Variants in C10orf90 observed in about 807,000 individuals in gnomAD.
The protein encoded by C10orf90 is chromosome 10 open reading frame 90.
C10orf90 carries 56 observed loss-of-function variants against 62.5 expected under a neutral mutation model. The observed-to-expected ratio is 0.90, with a 90% confidence interval of 0.72 to 1.12. The LOEUF (loss-of-function observed/expected upper bound fraction) is 1.12, where lower values mean the gene tolerates loss of function less well. C10orf90 is among the 50% of genes most tolerant of loss of function. The probability of loss-of-function intolerance (pLI) is 0.00; values close to 1 mark genes in which losing one functional copy is unlikely to be tolerated. For missense variants in C10orf90, 970 were observed against 880.4 expected (o/e 1.10, Z -1.29); for synonymous variants, 386 against 340.4 (o/e 1.13, Z -1.47).
chr10:126,547,532 T>C (rs1591087316), intron 2 of C10orf90, among the ~76,000 whole-genome samples: 2 of 138,176 alleles, frequency 1.4e-5, no homozygotes, highest in African/African-American at 5.5e-5. Context: ...ATGCCGACAC[T>C]GAGAGGACAA....
intron 2 of C10orf90, among the ~76,000 whole-genome samples, chr10:126,563,687 A>G (rs569250205): frequency 1.3e-5 from 2 of 152,204 alleles, no homozygotes; most frequent in Non-Finnish European, 2.9e-5. Context: ...AGCACTAAAC[A>G]TAGGAACACA....
At chr10:126,586,785 A>G (rs1357082261) in intron 2 of C10orf90, among the ~76,000 whole-genome samples, 1 of 152,046 alleles carries the variant, frequency 6.6e-6, no homozygotes, top group East Asian at 1.9e-4. Context: ...AGGCTCTTCA[A>G]CCTCAAAATA....
chr10:126,558,736 G>A (rs956347750), intron 2 of C10orf90, among the ~76,000 whole-genome samples: 1 of 152,218 alleles, frequency 6.6e-6, no homozygotes, highest in African/African-American at 2.4e-5. Context: ...TGCCATGGAT[G>A]AAGAATCCAA....
At position 126,605,928 on chromosome 10, in the gene C10orf90, T is replaced by C. The variant is rs540158761; in HGVS notation, c.313+40637A>G. ...ACATACATACATTTGATTGCAGCAC[T>C]AAAAAAAGAAAAGACTGTCTGAAAT... On this transcript the variant is annotated intron_variant, in intron 2 of 9. Coordinates refer to ENST00000488181, the MANE Select transcript of C10orf90 (RefSeq NM_001350921.2). Among the ~76,000 whole-genome samples the C allele has an allele frequency of 1.5e-3, 220 of 150,718 alleles. 2 individuals carry two copies. The highest frequency in any genetic ancestry group is 3.4e-3 in the Middle Eastern group (1 of 290).
chr10:126,537,242 T>G (rs551369937), intron 2 of C10orf90, among the ~76,000 whole-genome samples: 1 of 152,358 alleles, frequency 6.6e-6, no homozygotes, highest in African/African-American at 2.4e-5. Context: ...TTTATGTGAC[T>G]GATGACACAT....
At chr10:126,485,607 C>T (rs555673238) in intron 4 of C10orf90, among the ~76,000 whole-genome samples, 5 of 152,094 alleles carry the variant, frequency 3.3e-5, no homozygotes, top group Non-Finnish European at 7.4e-5. Flanking sequence ...ATTTGGTAGA[C>T]TAGATATCAC....
chr10:126,557,247 T>C (rs1369687170), intron 2 of C10orf90, among the ~76,000 whole-genome samples: 2 of 151,984 alleles, frequency 1.3e-5, no homozygotes, highest in Non-Finnish European at 2.9e-5. Flanking sequence ...TTTGGGAGGC[T>C]GAGGCGGGCA....
At chr10:126,433,670 C>G (rs1443191869) in intron 7 of C10orf90, among the ~76,000 whole-genome samples, 2 of 152,134 alleles carry the variant, frequency 1.3e-5, no homozygotes, top group African/African-American at 2.4e-5. Context: ...ACAGGGATTT[C>G]ACTTCATGGA....
Position 126,504,729 on chromosome 10 carries a change from C to T in C10orf90, c.762G>A (p.Gly254=). 6.2e-7 allele frequency: 1 copy of T among 1,603,024 alleles called. No homozygotes were observed. Among genetic ancestry groups the T allele is most frequent in the African/African-American group, 1.3e-5 (1 of 74,696 alleles). Residue 254 remains glycine (G), a synonymous_variant, in exon 4 of 10, where the codon GGG becomes GGA. Transcript: ENST00000488181. This position sits in a 1 kb window ranked among gnomAD's most constrained non-coding sequence, Gnocchi z 4.1. ...TGGGGCACAGAGAGTCCCCAGCAGT[C>T]CCCCACACCAGGGCGCGGGCTGGGG... ...VGPPARALVW[G]TAGDSLCPKC...
intron 2 of C10orf90, among the ~76,000 whole-genome samples, chr10:126,528,512 C>T (rs1836944): frequency 0.069 from 10,445 of 152,096 alleles, 1,182 homozygotes; most frequent in African/African-American, 0.23. Context: ...AGCGTGGTGG[C>T]GAAACTCATT....
chr10:126,590,713 A>G (rs1286705857), intron 2 of C10orf90, among the ~76,000 whole-genome samples: 1 of 152,168 alleles, frequency 6.6e-6, no homozygotes, highest in East Asian at 1.9e-4. Context: ...ATAGCACTAA[A>G]TGGTCACACC....
At chr10:126,490,078 A>C (rs1200659400) in intron 4 of C10orf90, among the ~76,000 whole-genome samples, 1 of 122,904 alleles carries the variant, frequency 8.1e-6, no homozygotes, top group Admixed American at 9.8e-5. Flanking sequence ...AATATATAAT[A>C]TAATAATAAT....
intron 4 of C10orf90, among the ~76,000 whole-genome samples, chr10:126,493,153 CT>C (rs1367075354): frequency 7.7e-6 from 1 of 129,056 alleles, no homozygotes; most frequent in East Asian, 2.4e-4. Flanking sequence ...CATAATCCCT[CT>C]TTTTTGTTGA....
chr10:126,559,184 G>A (rs571865346), intron 2 of C10orf90, among the ~76,000 whole-genome samples: 1 of 152,258 alleles, frequency 6.6e-6, no homozygotes, highest in East Asian at 1.9e-4. Flanking sequence ...TATGCCCTGT[G>A]GTTGTTAAAT....
chr10:126,443,695 C>T (rs910658031), intron 7 of C10orf90, among the ~76,000 whole-genome samples: 5 of 152,016 alleles, frequency 3.3e-5, no homozygotes, highest in South Asian at 2.1e-4. Flanking sequence ...CACCTTAATA[C>T]GAAAACCAGG....
intron 2 of C10orf90, among the ~76,000 whole-genome samples, chr10:126,597,591 C>G (rs1047522110): frequency 6.6e-6 from 1 of 152,104 alleles, no homozygotes; most frequent in Non-Finnish European, 1.5e-5. Context: ...AGTAAAAGGA[C>G]AAGAGTAGAA....
At chr10:126,650,572 A>G (rs1846271819) in intron 1 of C10orf90, among the ~76,000 whole-genome samples, 1 of 152,146 alleles carries the variant, frequency 6.6e-6, no homozygotes, top group African/African-American at 2.4e-5. Flanking sequence ...AAAGGACCCC[A>G]CATTGGAACC....
At chr10:126,470,740 ACT>A (rs953983872) in intron 4 of C10orf90, among the ~76,000 whole-genome samples, 7 of 150,360 alleles carry the variant, frequency 4.7e-5, no homozygotes, top group Admixed American at 6.7e-5. Context: ...ACAGAACGAG[ACT>A]CTGTCTCAAA....
chr10:126,507,817 C>T (rs1862847170), intron 3 of C10orf90, among the ~76,000 whole-genome samples: 1 of 152,076 alleles, frequency 6.6e-6, no homozygotes, highest in African/African-American at 2.4e-5. Context: ...AGCCTGTAGC[C>T]CCAACATTTC....
Sources: gnomAD v4.1 joint callset for allele counts (sites outside exome capture counted in the v4.1 genomes callset) on GRCh38, gnomAD v4.1.1 for gene constraint, Gnocchi (gnomAD v3.1) non-coding constraint, MANE v1.5 for transcripts, NCBI Gene and HGNC (gene_info 2026-07-23, HGNC 2026-07-21) for gene names.